The following MACROD2 variants were observed in gnomAD, a reference collection of about 807,000 sequenced individuals.
The protein encoded by MACROD2 is mono-ADP ribosylhydrolase 2, also known as ADP-ribose glycohydrolase MACROD2.
MACROD2 carries 36 observed loss-of-function variants against 70.4 expected under a neutral mutation model. The observed-to-expected ratio is 0.51, with a 90% CI of 0.39 to 0.68. MACROD2 has a LOEUF of 0.68. Among genes scored for constraint, MACROD2 ranks in the 30% least tolerant of loss-of-function variants. The pLI is 0.00. For synonymous variants in MACROD2, 172 were observed against 178.8 expected (o/e 0.96, Z 0.30); for missense variants, 496 against 538.4 (o/e 0.92, Z 0.78).
At chr20:15,835,188 T>A (rs1000938302) in intron 8 of MACROD2, among the ~76,000 whole-genome samples, 1 of 152,254 alleles carries the variant, frequency 6.6e-6, no homozygotes, top group African/African-American at 2.4e-5. Context: ...CCTCAATATT[T>A]GACTAAAACC....
chr20:15,915,514 C>T (rs1383361394), intron 10 of MACROD2, among the ~76,000 whole-genome samples: 1 of 152,182 alleles, frequency 6.6e-6, no homozygotes, highest in African/African-American at 2.4e-5. Context: ...AGTGGTCAAA[C>T]CCACCTTTAC....
chr20:14,076,425 A>T (rs2053916958), intron 2 of MACROD2, among the ~76,000 whole-genome samples: 1 of 152,006 alleles, frequency 6.6e-6, no homozygotes, highest in Admixed American at 6.6e-5. Flanking sequence ...CCAAGGCGGG[A>T]GGATCACTTG....
chr20:15,392,989 G>T (rs2045812986), intron 6 of MACROD2, among the ~76,000 whole-genome samples: 1 of 151,700 alleles, frequency 6.6e-6, no homozygotes. Flanking sequence ...ATGGGATAAG[G>T]GTGGCGGCAA....
At chr20:15,021,037 C>A (rs141890752) in intron 5 of MACROD2, among the ~76,000 whole-genome samples, 1 of 142,724 alleles carries the variant, frequency 7.0e-6, no homozygotes, top group Non-Finnish European at 1.5e-5. Flanking sequence ...TGTGCATATA[C>A]GTATATGCAT....
chr20:15,570,962 A>C (rs2048369118), intron 8 of MACROD2, among the ~76,000 whole-genome samples: 2 of 152,102 alleles, frequency 1.3e-5, no homozygotes, highest in African/African-American at 4.8e-5. Flanking sequence ...AAAATAGATA[A>C]TTACCTCAGT....
chr20:15,677,886 G>T (rs867031297), intron 8 of MACROD2, among the ~76,000 whole-genome samples: 1 of 152,170 alleles, frequency 6.6e-6, no homozygotes, highest in South Asian at 2.1e-4. Flanking sequence ...GGCCAACATG[G>T]TAAACCCCAT....
At chr20:16,047,904 C>T (rs139370991) in intron 17 of MACROD2, among the ~76,000 whole-genome samples, 10 of 152,260 alleles carry the variant, frequency 6.6e-5, no homozygotes, top group Admixed American at 1.3e-4. Context: ...AAATCTAGGA[C>T]TTCTAGCTCA....
At chr20:15,340,774 CTT>C (rs11477008) in intron 6 of MACROD2, among the ~76,000 whole-genome samples, 22 of 147,080 alleles carry the variant, frequency 1.5e-4, no homozygotes, top group East Asian at 2.0e-4. Context: ...CAAACACACA[CTT>C]TTTTTTTTTT....
At chr20:14,580,398 A>G (rs1294885869) in intron 4 of MACROD2, among the ~76,000 whole-genome samples, 2 of 151,954 alleles carry the variant, frequency 1.3e-5, no homozygotes, top group Non-Finnish European at 2.9e-5. Context: ...CCATTTTTCA[A>G]TTGGTCTGAA....
intron 3 of MACROD2, chr20:14,322,993 T>A (rs1203659075): frequency 6.6e-6 from 1 of 152,154 alleles, no homozygotes; most frequent in Non-Finnish European, 1.5e-5. Flanking sequence ...ACTCAAAGTG[T>A]GTATGTGTGT....
intron 9 of MACROD2, among the ~76,000 whole-genome samples, chr20:15,870,070 C>T (rs57247984): frequency 2.6e-5 from 4 of 151,956 alleles, no homozygotes; most frequent in Non-Finnish European, 5.9e-5. Context: ...CAAGAAACTT[C>T]TCAACCACGT....
chr20:14,575,580 T>C (rs1980543332), intron 4 of MACROD2, among the ~76,000 whole-genome samples: 1 of 152,238 alleles, frequency 6.6e-6, no homozygotes, highest in Admixed American at 6.5e-5. Context: ...TATTTATTCC[T>C]TGTTACACTG....
At chr20:14,542,220 C>A (rs866671818) in intron 4 of MACROD2, among the ~76,000 whole-genome samples, 1 of 152,198 alleles carries the variant, frequency 6.6e-6, no homozygotes, top group Admixed American at 6.5e-5. Context: ...TATATTTTGC[C>A]AATATGGCAC....
intron 15 of MACROD2, among the ~76,000 whole-genome samples, chr20:16,030,194 AT>A (rs1163952040): frequency 6.6e-6 from 1 of 152,188 alleles, no homozygotes; most frequent in African/African-American, 2.4e-5. Context: ...CCCCAAAGAT[AT>A]CCCCCACTAT....
intron 15 of MACROD2, among the ~76,000 whole-genome samples, chr20:16,023,286 T>C (rs2147559071): frequency 6.6e-6 from 1 of 151,484 alleles, no homozygotes; most frequent in African/African-American, 2.4e-5. Flanking sequence ...CTGTCCTGGC[T>C]AACACGGTGA....
At chr20:15,261,719 T>C (rs416240) in intron 6 of MACROD2, among the ~76,000 whole-genome samples, 67,720 of 151,646 alleles carry the variant, frequency 0.45, 15,611 homozygotes, top group African/African-American at 0.54. Flanking sequence ...TGAACAATAT[T>C]ATATTGTGAA....
chr20:15,654,217 C>T (rs1276922592), intron 8 of MACROD2, among the ~76,000 whole-genome samples: 1 of 152,152 alleles, frequency 6.6e-6, no homozygotes, highest in African/African-American at 2.4e-5. Context: ...CCTGAAAAGT[C>T]AAGAGCATCA....
chr20:15,820,349 C>T (rs117318328), intron 8 of MACROD2, among the ~76,000 whole-genome samples: 6,699 of 152,112 alleles, frequency 0.044, 335 homozygotes, highest in East Asian at 0.27. Flanking sequence ...CACCACCACA[C>T]CCAGCTAATT....
At chr20:14,094,954 C>G (rs1046127909) in intron 3 of MACROD2, among the ~76,000 whole-genome samples, 2 of 152,088 alleles carry the variant, frequency 1.3e-5, no homozygotes, top group Admixed American at 6.6e-5. Flanking sequence ...CCTTTTCCTC[C>G]TGGGCTTTGC....
Sources: allele counts gnomAD v4.1 joint callset (sites outside exome capture counted in the v4.1 genomes callset), GRCh38; gene constraint gnomAD v4.1.1; transcripts MANE v1.5; gene names NCBI Gene and HGNC (gene_info 2026-07-23, HGNC 2026-07-21).